Variants in ANKRD16 observed in about 807,000 individuals in gnomAD.
The protein encoded by ANKRD16 is ankyrin repeat domain 16, also known as ankyrin repeat domain-containing protein 16.
Under a neutral mutation model 37.9 loss-of-function variants are expected in ANKRD16, and 35 were observed. The ratio of observed to expected loss-of-function variants is 0.92; its 90% CI spans 0.71 to 1.23. ANKRD16 has a LOEUF of 1.23. Ranked by LOEUF, ANKRD16 falls within the 50% of genes most tolerant of loss-of-function variation. The pLI, the probability that ANKRD16 is intolerant of heterozygous loss-of-function variation, is 0.00. For synonymous variants in ANKRD16, 206 were observed against 197.2 expected (o/e 1.04, Z -0.37); for missense variants, 480 against 469.9 (o/e 1.02, Z -0.20).
In ANKRD16 at chr10:5,865,354, T is replaced by C. The variant is rs1841998435; in HGVS notation, c.*34-2663A>G. Among the ~76,000 whole-genome samples, 1 of 152,160 alleles carries C rather than the reference T, an allele frequency of 6.6e-6. No individual in the cohort carries two copies. The highest frequency in any genetic ancestry group is 6.5e-5 in the Admixed American group (1 of 15,274). On this transcript the variant is annotated intron_variant, in intron 7 of 7. Coordinates refer to ENST00000380094, the MANE Select transcript of ANKRD16 (RefSeq NM_019046.3). This position sits in a 1 kb window ranked among gnomAD's most constrained non-coding sequence, Gnocchi z 4.7. ...GGGCCAGAAGCCCCCAACCAGATGA[T>C]CCAACAACAGGACCGAGGGTGCCCA...
intron 2 of ANKRD16, among the ~76,000 whole-genome samples, chr10:5,886,527 G>A (rs1842425956): frequency 6.6e-6 from 1 of 152,196 alleles, no homozygotes; most frequent in Non-Finnish European, 1.5e-5. Context: ...CGAGGCAGAG[G>A]TTGCAGTGAG....
chr10:5,887,889 TC>T lies in ANKRD16; in HGVS notation c.492del (p.Trp164Ter), dbSNP rs767646701. 1.9e-6 allele frequency: 3 copies of T among 1,614,160 alleles called. No individual in the cohort carries two copies. Among genetic ancestry groups the T allele is most frequent in the East Asian group, 4.5e-5 (2 of 44,890 alleles). On this transcript the variant is annotated frameshift_variant, in exon 2 of 8. Transcript: ENST00000380094. LOFTEE classifies it high-confidence loss of function. ...QYLLTVCPGA[W>X]KTESKIRRTP... The stretch of plus-strand genomic sequence containing the variant: ...GTCCTTCTAATTTTGCTCTCTGTCT[TC>T]CAGGCACCTGGGCAAACAGTGAGCA...
intron 7 of ANKRD16, among the ~76,000 whole-genome samples, chr10:5,867,352 A>G (rs1235487060): frequency 6.6e-6 from 1 of 152,260 alleles, no homozygotes; most frequent in Non-Finnish European, 1.5e-5. Context: ...ATGGGTATTC[A>G]GTAAGTGATA....
At chr10:5,876,545 TG>T (rs1175761486) in intron 7 of ANKRD16, among the ~76,000 whole-genome samples, 1 of 152,156 alleles carries the variant, frequency 6.6e-6, no homozygotes, top group Non-Finnish European at 1.5e-5. Context: ...AACAGAAAAG[TG>T]GTAACTACAT....
Position 5,863,605 on chromosome 10 carries a change from C to A in ANKRD16, c.*34-914G>T, listed in dbSNP as rs189947672. On this transcript the variant is annotated intron_variant, in intron 7 of 7. Transcript: ENST00000380094. This position sits in a 1 kb window ranked among gnomAD's most constrained non-coding sequence, Gnocchi z 4.7. ...GCTGGCCACCCCCTGCCAGCAGCAG[C>A]AACCCACTTGGGTCCCCTTCCACAC... Among the ~76,000 whole-genome samples the A allele has an allele frequency of 1.9e-4, 29 of 152,252 alleles. No individual in the cohort carries two copies. In the East Asian group the frequency reaches 5.2e-3, roughly 27 times the overall value.
At chr10:5,881,009 G>C (rs575565371) in intron 5 of ANKRD16, 1 of 151,916 alleles carries the variant, frequency 6.6e-6, no homozygotes, top group East Asian at 2.0e-4. Context: ...ATGTTGTCCA[G>C]ACTGATCACA....
At chr10:5,872,462 C>G (rs536870457) in intron 7 of ANKRD16, among the ~76,000 whole-genome samples, 6 of 152,124 alleles carry the variant, frequency 3.9e-5, no homozygotes, top group Admixed American at 1.3e-4. Context: ...CTGGGTGACA[C>G]AGCAAGACTG....
chr10:5,862,781 ACTCAGG>A lies in ANKRD16; in HGVS notation c.*34-96_*34-91del. The A allele has an allele frequency of 1.1e-6, 1 of 884,476 alleles. No individual in the cohort carries two copies. The highest frequency in any genetic ancestry group is 1.6e-6 in the Non-Finnish European group (1 of 620,606). 54.8% of individuals were successfully genotyped at this position (884,476 alleles called of 1,614,324 possible). A position where few individuals can be genotyped will look rare whatever the true frequency, so the allele number is the denominator to read the frequency against. On this transcript the variant is annotated intron_variant, in intron 7 of 7. Transcript: ENST00000380094. The surrounding 1 kb of genome is among the most constrained non-coding windows in gnomAD (Gnocchi z 6.5). ...AGCTAGCACAAGGTCCCACAGCTGGACTCAGGGCTGCTGGCTACAGGGCCTGGCTCT... is the reference window on the plus strand; with the variant it reads ...AGCTAGCACAAGGTCCCACAGCTGGAGCTGCTGGCTACAGGGCCTGGCTCT...
intron 6 of ANKRD16, among the ~76,000 whole-genome samples, chr10:5,879,214 C>T (rs1417029106): frequency 6.6e-6 from 1 of 152,292 alleles, no homozygotes; most frequent in Non-Finnish European, 1.5e-5. Flanking sequence ...TGGCTCATGC[C>T]TGTAATCCCT....
rs754262126 is a variant in ANKRD16, at chr10:5,868,985, G to A, written c.*34-6294C>T. 1.3e-5 allele frequency among the ~76,000 whole-genome samples: 2 copies of A among 152,162 alleles called. No individual in the cohort carries two copies. The highest frequency in any genetic ancestry group is 2.9e-5 in the Non-Finnish European group (2 of 68,034). ...AGCAAAGGTGCGGGAAGAAACTTTT[G>A]GACAAGTTTGTCCAACCTGTGGCCC... On this transcript the variant is annotated intron_variant, in intron 7 of 7. Coordinates refer to ENST00000380094, the MANE Select transcript of ANKRD16 (RefSeq NM_019046.3). This position sits in a 1 kb window ranked among gnomAD's most constrained non-coding sequence, Gnocchi z 4.9.
Position 5,865,612 on chromosome 10 carries a change from T to C in ANKRD16, c.*34-2921A>G, listed in dbSNP as rs1416488516. On this transcript the variant is annotated intron_variant, in intron 7 of 7. Transcript: ENST00000380094. This position sits in a 1 kb window ranked among gnomAD's most constrained non-coding sequence, Gnocchi z 4.7. ...ATCCAAGGAATCCTGGGACAGCCTA[T>C]AACCAGGTATTTCTCCCACCTCCTC... Among the ~76,000 whole-genome samples the C allele has an allele frequency of 1.3e-5, 2 of 152,222 alleles. No homozygotes were observed. The highest frequency in any genetic ancestry group is 2.9e-5 in the Non-Finnish European group (2 of 68,030).
At chr10:5,884,710 T>C (rs1449241642) in intron 3 of ANKRD16, among the ~76,000 whole-genome samples, 2 of 113,234 alleles carry the variant, frequency 1.8e-5, no homozygotes, top group Middle Eastern at 6.1e-3. Flanking sequence ...CCAGCCTGGG[T>C]GACAAAAGCA....
intron 1 of ANKRD16, among the ~76,000 whole-genome samples, chr10:5,888,725 G>C (rs990551824): frequency 3.9e-5 from 6 of 152,218 alleles, no homozygotes; most frequent in African/African-American, 1.4e-4. Context: ...CATCGCATCC[G>C]GAGGCTATCT....
chr10:5,887,708 C>CCCCCCCCCCCG lies in ANKRD16; in HGVS notation c.535+138_535+139insCGGGGGGGGGG, dbSNP rs1433532977. 64 of 194,122 alleles carry CCCCCCCCCCCG rather than the reference C, an allele frequency of 3.3e-4. 1 individual carries two copies. The highest frequency in any genetic ancestry group is 7.6e-4 in the South Asian group (8 of 10,498). 12.0% of individuals were successfully genotyped at this position (194,122 alleles called of 1,614,324 possible). A position where few individuals can be genotyped will look rare whatever the true frequency, so the allele number is the denominator to read the frequency against. The stretch of plus-strand genomic sequence containing the variant: ...GCCCCCGCCCCCACCCCCTCCCCCC[C>CCCCCCCCCCCG]AGATGTTCTTATTCTCTGCCTTCTG... On this transcript the variant is annotated intron_variant, in intron 2 of 7. Transcript: ENST00000380094.
chr10:5,872,412 C>T (rs1391978935), intron 7 of ANKRD16, among the ~76,000 whole-genome samples: 1 of 152,010 alleles, frequency 6.6e-6, no homozygotes, highest in Non-Finnish European at 1.5e-5. Context: ...CCAGGAGGTG[C>T]AGGCTGCAGT....
In ANKRD16 at chr10:5,878,267, C is replaced by G. The variant is rs1007445584; in HGVS notation, c.949G>C (p.Gly317Arg). Reference protein sequence around the residue: ...NRSALHLACAGQHLACAKFLL... With the variant: ...NRSALHLACARQHLACAKFLL... ...AACTTGGCACAGGCCAAGTGCTGAC[C>G]TGCACAGGCCAGATGCAGGGCTGAG... The change falls in exon 7 of 8, where the codon GGT becomes CGT. Residue 317 changes from glycine to arginine, a missense_variant. Gly to Arg is a moderately radical substitution (Grantham distance 125, BLOSUM62 -2). Transcript: ENST00000380094. The surrounding 1 kb of genome is among the most constrained non-coding windows in gnomAD (Gnocchi z 5.1). 10 of 1,613,922 alleles carry G rather than the reference C, an allele frequency of 6.2e-6. No individual in the cohort carries two copies. Among genetic ancestry groups the G allele is most frequent in the Non-Finnish European group, 8.5e-6 (10 of 1,179,990 alleles).
chr10:5,889,272 G>A lies in ANKRD16; in HGVS notation c.83C>T (p.Ala28Val), dbSNP rs1255072670. ...GGCCGGCCCCGGGCAGCCCCCGGCC[G>A]CCTGCAGCTCCTCCTTCAGGGCGCG... ...RLRALKEELQ[A>V]AGGCPGPAGD... Residue 28 changes from alanine to valine, a missense_variant, in exon 1 of 8, where the codon GCG becomes GTG. Physicochemically the swap from Ala to Val is moderately conservative, Grantham distance 64. Coordinates refer to ENST00000380094, the MANE Select transcript of ANKRD16 (RefSeq NM_019046.3). 5 of 1,453,256 alleles carry A rather than the reference G, an allele frequency of 3.4e-6. No homozygotes were observed. In the East Asian group the frequency reaches 1.1e-4, roughly 33 times the overall value. 90.0% of individuals were successfully genotyped at this position (1,453,256 alleles called of 1,614,324 possible). A position where few individuals can be genotyped will look rare whatever the true frequency, so the allele number is the denominator to read the frequency against.
In ANKRD16 at chr10:5,866,250, G is replaced by A. The variant is rs1842012438; in HGVS notation, c.*34-3559C>T. On this transcript the variant is annotated intron_variant, in intron 7 of 7. Transcript: ENST00000380094. The surrounding 1 kb of genome is among the most constrained non-coding windows in gnomAD (Gnocchi z 4.3). ...TCTCCCAGAGGATGGGGAACCGATC[G>A]AGCATGACTGCCAACAAGTTATAGT... is the stretch of plus-strand genomic sequence containing the variant. Among the ~76,000 whole-genome samples the A allele has an allele frequency of 6.6e-6, 1 of 152,146 alleles. No homozygotes were observed. The highest frequency in any genetic ancestry group is 6.5e-5 in the Admixed American group (1 of 15,274).
intron 2 of ANKRD16, among the ~76,000 whole-genome samples, chr10:5,887,374 CTT>C (rs34678785): frequency 7.3e-5 from 10 of 137,804 alleles, no homozygotes; most frequent in Non-Finnish European, 7.7e-5. Flanking sequence ...CCCCTAGATG[CTT>C]TTTTTTTTTT....
Sources: allele counts gnomAD v4.1 joint callset (sites outside exome capture counted in the v4.1 genomes callset), GRCh38; gene constraint gnomAD v4.1.1; non-coding constraint Gnocchi (gnomAD v3.1); transcripts MANE v1.5; gene names NCBI Gene and HGNC (gene_info 2026-07-23, HGNC 2026-07-21).